The following IL16 variants were observed in gnomAD, a reference collection of about 807,000 sequenced individuals.
IL16 encodes the protein pro-interleukin-16.
IL16 carries 67 observed loss-of-function variants against 110.1 expected under a neutral mutation model. That is an observed-to-expected ratio of 0.61 (90% confidence interval 0.50 to 0.75). The LOEUF (loss-of-function observed/expected upper bound fraction) is 0.75. Among genes scored for constraint, IL16 ranks in the 30% least tolerant of loss-of-function variants. The pLI, the probability that IL16 is intolerant of heterozygous loss-of-function variation, is 0.00. For missense variants in IL16, 1,545 were observed against 1,655.0 expected (o/e 0.93, Z 1.15); for synonymous variants, 689 against 662.9 (o/e 1.04, Z -0.61).
upstream of IL16, among the ~76,000 whole-genome samples, chr15:81,191,885 T>C (rs530463551): frequency 8.6e-5 from 13 of 151,918 alleles, no homozygotes; most frequent in African/African-American, 3.1e-4. Context: ...GAAGCTGGAG[T>C]TTGGGAGATA....
At chr15:81,232,706 A>C (rs755101621) in intron 2 of IL16, among the ~76,000 whole-genome samples, 2 of 152,172 alleles carry the variant, frequency 1.3e-5, no homozygotes, top group Admixed American at 1.3e-4. Context: ...TCCTGGAATA[A>C]ACTCAATTTA....
At chr15:81,265,139 G>T (rs1008869914) in intron 3 of IL16, among the ~76,000 whole-genome samples, 1 of 152,232 alleles carries the variant, frequency 6.6e-6, no homozygotes, top group Non-Finnish European at 1.5e-5. Context: ...CATTTTTGCA[G>T]ATATCCAAAG....
chr15:81,295,296 A>G (rs1461961265), intron 12 of IL16: 1 of 1,028,714 alleles, frequency 9.7e-7, no homozygotes, highest in Admixed American at 4.4e-5. Context: ...AAACACTAGT[A>G]AGAGAAAAAT....
At chr15:81,305,342 A>G (rs973490863) in intron 16 of IL16, among the ~76,000 whole-genome samples, 2 of 152,142 alleles carry the variant, frequency 1.3e-5, no homozygotes, top group African/African-American at 4.8e-5. Flanking sequence ...TGTTTCACCC[A>G]GTATTCCTCA....
chr15:81,263,935 A>C (rs1245852190), intron 3 of IL16, among the ~76,000 whole-genome samples: 1 of 152,192 alleles, frequency 6.6e-6, no homozygotes, highest in Non-Finnish European at 1.5e-5. Flanking sequence ...AGGAAGGAGT[A>C]ACTCCAGCAG....
Position 81,313,136 on chromosome 15 carries a change from C to T in IL16, c.*4338C>T. On this transcript the variant is annotated 3_prime_UTR_variant, in exon 19 of 19. Coordinates refer to ENST00000683961, the MANE Select transcript of IL16 (RefSeq NM_172217.5). ...TTGGCATTCTCAGAGATGCGCAGTC[C>T]ATCAGCTTGTTCCAAAGAGTGAACA... The T allele has an allele frequency of 8.2e-7, 1 of 1,217,534 alleles. No homozygotes were observed. The highest frequency in any genetic ancestry group is 1.6e-5 in the African/African-American group (1 of 63,460). The allele number at this position is 1,217,534 out of a possible 1,614,324, so 75.4% of individuals were successfully genotyped here. A position where few individuals can be genotyped will look rare whatever the true frequency, so the allele number is the denominator to read the frequency against.
intron 2 of IL16, among the ~76,000 whole-genome samples, chr15:81,245,568 A>G (rs1897509584): frequency 1.4e-5 from 2 of 141,356 alleles, no homozygotes; most frequent in African/African-American, 5.5e-5. Flanking sequence ...AGTTGTTACT[A>G]CCTGGGAAAG....
chr15:81,306,916 A>T (rs951078998), intron 18 of IL16: 3 of 311,468 alleles, frequency 9.6e-6, no homozygotes, highest in East Asian at 8.7e-5. Flanking sequence ...CGTGTTTTTT[A>T]AAATTAATTT....
intron 2 of IL16, among the ~76,000 whole-genome samples, chr15:81,252,610 C>G (rs1411549959): frequency 6.6e-6 from 1 of 152,074 alleles, no homozygotes; most frequent in Non-Finnish European, 1.5e-5. Flanking sequence ...GAAAAAGAAA[C>G]CTCCTGCCCA....
At position 81,300,371 on chromosome 15, in the gene IL16, C is replaced by T; in HGVS notation, c.3045C>T (p.Pro1015=). 6.2e-7 allele frequency: 1 copy of T among 1,614,186 alleles called. No individual in the cohort carries two copies. Among genetic ancestry groups the T allele is most frequent in the East Asian group, 2.2e-5 (1 of 44,884 alleles). The change falls in exon 14 of 19, where the codon CCC becomes CCT. Residue 1015 remains proline (P), a synonymous_variant. Coordinates refer to ENST00000683961, the MANE Select transcript of IL16 (RefSeq NM_172217.5). Reference sequence around the variant, plus strand: ...CTTCTATCTCCTGTGCCCAGACTCCCTGCATCCCCAAGGAAGGGGCATCTC... The same window carrying T: ...CTTCTATCTCCTGTGCCCAGACTCCTTGCATCCCCAAGGAAGGGGCATCTC... ...LPSSISCAQT[P]CIPKEGASPT...
intron 5 of IL16, among the ~76,000 whole-genome samples, chr15:81,271,999 G>A (rs976750748): frequency 1.3e-5 from 2 of 152,244 alleles, no homozygotes; most frequent in Non-Finnish European, 2.9e-5. Context: ...TAAAGGGTCT[G>A]TCTAGGAGCC....
intron 1 of IL16, among the ~76,000 whole-genome samples, chr15:81,208,179 A>G (rs116527654): frequency 6.4e-4 from 98 of 152,312 alleles, no homozygotes; most frequent in African/African-American, 2.2e-3. Context: ...TCTTCTTTCA[A>G]AAAGTGTCTG....
chr15:81,245,238 T>C (rs1016894717), intron 2 of IL16, among the ~76,000 whole-genome samples: 4 of 152,188 alleles, frequency 2.6e-5, no homozygotes, highest in Non-Finnish European at 5.9e-5. Flanking sequence ...CCTGGACTTT[T>C]AAAAATTGTT....
At chr15:81,185,445 T>G (rs1471185449) in intron 1 of IL16, among the ~76,000 whole-genome samples, 4 of 150,426 alleles carry the variant, frequency 2.7e-5, no homozygotes, top group South Asian at 4.2e-4. Flanking sequence ...GGCCTCAACC[T>G]CCTGGGTTCA....
chr15:81,258,785 A>T (rs527611207), intron 2 of IL16, among the ~76,000 whole-genome samples: 1 of 152,030 alleles, frequency 6.6e-6, no homozygotes, highest in East Asian at 1.9e-4. Context: ...ATATATATAT[A>T]TTTGTGCATA....
Position 81,311,303 on chromosome 15 carries a change from A to C in IL16, c.*2505A>C, listed in dbSNP as rs540956411. The C allele has an allele frequency of 1.3e-5, 2 of 152,342 alleles. No individual in the cohort carries two copies. The highest frequency in any genetic ancestry group is 2.1e-4 in the South Asian group (1 of 4,828). 9.4% of individuals were successfully genotyped at this position (152,342 alleles called of 1,614,324 possible). On this transcript the variant is annotated 3_prime_UTR_variant, in exon 19 of 19. Coordinates refer to ENST00000683961, the MANE Select transcript of IL16 (RefSeq NM_172217.5). ...TGCCCAGCATTTTACTGATTCATAC[A>C]TTATCTCACTTGTGCCAACACTCAA...
Position 81,303,557 on chromosome 15 carries a change from C to T in IL16, c.3327C>T (p.Asp1109=), listed in dbSNP as rs766856492. 49 of 1,609,124 alleles carry T rather than the reference C, an allele frequency of 3.0e-5. No individual in the cohort carries two copies. Among genetic ancestry groups the T allele is most frequent in the Admixed American group, 5.0e-5 (3 of 59,984 alleles). Residue 1109 remains aspartate (D), a synonymous_variant, in exon 16 of 19, where the codon GAC becomes GAT. Coordinates refer to ENST00000683961, the MANE Select transcript of IL16 (RefSeq NM_172217.5). The surrounding 1 kb of genome is among the most constrained non-coding windows in gnomAD (Gnocchi z 4.1). ...VLDEATLKQL[D]GIHVTILHKE... ...ATGTATTTCCTCTGCAGCAATTAGA[C>T]GGCATCCATGTCACCATCTTACACA...
At chr15:81,195,255 G>A (rs1895567671), upstream of IL16, among the ~76,000 whole-genome samples, 1 of 152,118 alleles carries the variant, frequency 6.6e-6, no homozygotes, top group Non-Finnish European at 1.5e-5. Flanking sequence ...GGGCTGTGGG[G>A]CCCTCCCAGG....
intron 1 of IL16, among the ~76,000 whole-genome samples, chr15:81,199,034 TATATA>T (rs1415212992): frequency 0.026 from 3,198 of 123,934 alleles, 147 homozygotes; most frequent in African/African-American, 0.085. Context: ...AAAAAAAATA[TATATA>T]TATATATATA....
Sources: allele counts gnomAD v4.1 joint callset (sites outside exome capture counted in the v4.1 genomes callset), GRCh38; gene constraint gnomAD v4.1.1; non-coding constraint Gnocchi (gnomAD v3.1); transcripts MANE v1.5; gene names NCBI Gene and HGNC (gene_info 2026-07-23, HGNC 2026-07-21).